The following PHF24 variants were observed in gnomAD, a reference collection of about 807,000 sequenced individuals.
PHF24 encodes the protein Galpha inhibitory interacting protein.
In PHF24, 25 loss-of-function variants were observed where a neutral mutation model predicts 42.6. The ratio of observed to expected loss-of-function variants is 0.59; its 90% CI spans 0.43 to 0.82. The LOEUF is 0.82. Ranked by LOEUF, PHF24 falls within the 40% of genes least tolerant of loss-of-function variation. PHF24 has a pLI of 0.00. For synonymous variants in PHF24, 185 were observed against 204.8 expected, an observed-to-expected ratio of 0.90 and a Z score of 0.83; for missense variants, 470 against 538.1, an observed-to-expected ratio of 0.87 and a Z score of 1.25.
At chr9:34,888,192 T>C in the PHF24 span, among the ~76,000 whole-genome samples, 2 of 152,146 alleles carry the variant, frequency 1.3e-5, no homozygotes, top group Non-Finnish European at 2.9e-5. Context: ...TAGGAAACTT[T>C]CCGTGAACAT....
chr9:34,937,451 C>G, the PHF24 span, among the ~76,000 whole-genome samples: 1 of 152,114 alleles, frequency 6.6e-6, no homozygotes, highest in East Asian at 1.9e-4. Flanking sequence ...TTGAAGGCAG[C>G]AGGCTCGTTA....
At chr9:34,728,014 T>C in the PHF24 span, 6 of 1,551,658 alleles carry the variant, frequency 3.9e-6, no homozygotes, top group South Asian at 4.8e-5. Context: ...CAAAGAGCAA[T>C]AGATCACCTT....
chr9:34,751,644 C>T, the PHF24 span, among the ~76,000 whole-genome samples: 56 of 152,214 alleles, frequency 3.7e-4, no homozygotes, highest in African/African-American at 1.2e-3. Flanking sequence ...ACAAATCATC[C>T]AGACAGAAAA....
chr9:34,960,290 A>C (rs1826544361), intron 1 of PHF24, among the ~76,000 whole-genome samples: 1 of 152,182 alleles, frequency 6.6e-6, no homozygotes, highest in Non-Finnish European at 1.5e-5. Context: ...CCTTGAACAG[A>C]AGTGGCTTCC....
At chr9:34,897,449 G>A in the PHF24 span, among the ~76,000 whole-genome samples, 2 of 152,260 alleles carry the variant, frequency 1.3e-5, no homozygotes, top group African/African-American at 4.8e-5. Flanking sequence ...TTCTGTTTGG[G>A]GTGATGAATA....
chr9:34,931,901 T>C, the PHF24 span, among the ~76,000 whole-genome samples: 1 of 152,236 alleles, frequency 6.6e-6, no homozygotes, highest in Non-Finnish European at 1.5e-5. Context: ...GGCTAAATCC[T>C]GAGCCTGTAG....
the PHF24 span, among the ~76,000 whole-genome samples, chr9:34,936,390 G>T: frequency 1.3e-5 from 2 of 152,334 alleles, no homozygotes; most frequent in Non-Finnish European, 2.9e-5. Context: ...GCCCAGGCTG[G>T]AATGCAGTGG....
chr9:34,844,266 T>G, the PHF24 span, among the ~76,000 whole-genome samples: 2 of 152,146 alleles, frequency 1.3e-5, no homozygotes, highest in Non-Finnish European at 2.9e-5. Flanking sequence ...TATTTTTTGT[T>G]GTTTTTCTAG....
chr9:34,878,871 C>T, the PHF24 span, among the ~76,000 whole-genome samples: 2 of 152,232 alleles, frequency 1.3e-5, no homozygotes, highest in South Asian at 2.1e-4. Context: ...AGTAGTCGTT[C>T]TTCCAGCACA....
At chr9:34,969,438 G>A (rs1044560776) in intron 1 of PHF24, among the ~76,000 whole-genome samples, 1 of 151,688 alleles carries the variant, frequency 6.6e-6, no homozygotes, top group Non-Finnish European at 1.5e-5. Context: ...TCAGGAGATC[G>A]AGACCATCCT....
the PHF24 span, among the ~76,000 whole-genome samples, chr9:34,858,055 T>C: frequency 6.6e-6 from 1 of 151,520 alleles, no homozygotes; most frequent in Admixed American, 6.6e-5. Flanking sequence ...TTCATAAATC[T>C]CCATTTCTTT....
At chr9:34,856,675 G>A in the PHF24 span, among the ~76,000 whole-genome samples, 4 of 152,178 alleles carry the variant, frequency 2.6e-5, no homozygotes, top group African/African-American at 9.7e-5. Flanking sequence ...TCCCAGGGGG[G>A]CACCAACCTA....
At chr9:34,814,221 A>C in the PHF24 span, among the ~76,000 whole-genome samples, 1 of 152,170 alleles carries the variant, frequency 6.6e-6, no homozygotes, top group Non-Finnish European at 1.5e-5. Flanking sequence ...TAGGACTTCT[A>C]CTAGCACAAG....
the PHF24 span, among the ~76,000 whole-genome samples, chr9:34,720,198 G>A: frequency 0.94 from 143,708 of 152,112 alleles, 68,453 homozygotes; most frequent in East Asian, 1. Context: ...TAATCCCAGC[G>A]CTTTGGGAGG....
chr9:34,718,496 C>T, the PHF24 span, among the ~76,000 whole-genome samples: 1 of 152,250 alleles, frequency 6.6e-6, no homozygotes, highest in African/African-American at 2.4e-5. Flanking sequence ...CCCACCTGAG[C>T]TCAAGGAAGT....
At chr9:34,690,372 C>G in the PHF24 span, 1 of 1,609,686 alleles carries the variant, frequency 6.2e-7, no homozygotes, top group South Asian at 1.1e-5. Flanking sequence ...TGACAGGACA[C>G]AGGGACCCTT....
intron 1 of PHF24, among the ~76,000 whole-genome samples, chr9:34,960,484 T>C (rs1826552289): frequency 1.3e-5 from 2 of 152,240 alleles, no homozygotes; most frequent in South Asian, 4.1e-4. Context: ...TAAAGTTGTT[T>C]ATAATCCCCC....
the PHF24 span, among the ~76,000 whole-genome samples, chr9:34,874,768 G>C: frequency 5.3e-5 from 8 of 152,080 alleles, no homozygotes. Context: ...GTTTTCACTA[G>C]ACCTTTCAAT....
chr9:34,729,204 G>T, the PHF24 span: 1 of 1,445,806 alleles, frequency 6.9e-7, no homozygotes, highest in Non-Finnish European at 9.2e-7. Flanking sequence ...TTCTGGGGTG[G>T]GGATTATAAG....
Sources: allele counts gnomAD v4.1 joint callset (sites outside exome capture counted in the v4.1 genomes callset), GRCh38; gene constraint gnomAD v4.1.1; transcripts MANE v1.5; gene names NCBI Gene and HGNC (gene_info 2026-07-23, HGNC 2026-07-21).